Variants in CDH18 observed in about 807,000 individuals in gnomAD.
The protein encoded by CDH18 is cadherin 18, also known as cadherin-18.
In CDH18, 31 loss-of-function variants were observed where a neutral mutation model predicts 67.9. The ratio of observed to expected loss-of-function variants is 0.46; its 90% CI spans 0.34 to 0.62. The LOEUF is 0.62. Ranked by LOEUF, CDH18 falls within the 20% of genes least tolerant of loss-of-function variation. The pLI, the probability that CDH18 is intolerant of heterozygous loss-of-function variation, is 0.01. For synonymous variants in CDH18, 362 were observed against 347.2 expected (o/e 1.04, Z -0.48); for missense variants, 890 against 975.5 (o/e 0.91, Z 1.17).
At chr5:20,427,095 G>A (rs192711547) in intron 1 of CDH18, among the ~76,000 whole-genome samples, 2 of 150,932 alleles carry the variant, frequency 1.3e-5, no homozygotes, top group Admixed American at 1.3e-4. Context: ...GAAAACTCTG[G>A]GCAGCTTTTT....
intron 2 of CDH18, among the ~76,000 whole-genome samples, chr5:19,884,603 A>T (rs1788002041): frequency 6.6e-6 from 1 of 151,984 alleles, no homozygotes; most frequent in Non-Finnish European, 1.5e-5. Context: ...GAAATATGGG[A>T]AATAAATAAT....
At chr5:19,706,535 C>G (rs991923188) in intron 5 of CDH18, among the ~76,000 whole-genome samples, 1 of 152,156 alleles carries the variant, frequency 6.6e-6, no homozygotes, top group African/African-American at 2.4e-5. Context: ...CACATGTTCC[C>G]TGATTTGGGA....
intron 2 of CDH18, among the ~76,000 whole-genome samples, chr5:20,107,427 C>A (rs539585911): frequency 1.4e-4 from 22 of 152,278 alleles, no homozygotes; most frequent in African/African-American, 5.3e-4. Context: ...ACCAGCTTGT[C>A]CCTATCTCTG....
chr5:19,571,042 G>A (rs1194316253), intron 8 of CDH18, among the ~76,000 whole-genome samples: 1 of 152,166 alleles, frequency 6.6e-6, no homozygotes, highest in Admixed American at 6.6e-5. Flanking sequence ...CATTTATTGA[G>A]TGACTACTAG....
intron 6 of CDH18, among the ~76,000 whole-genome samples, chr5:19,593,233 A>C (rs1237539198): frequency 6.6e-6 from 1 of 152,066 alleles, no homozygotes; most frequent in Non-Finnish European, 1.5e-5. Context: ...TTTTTGAGGA[A>C]TCTTTATACT....
chr5:20,560,054 C>T (rs1561130957), intron 1 of CDH18, among the ~76,000 whole-genome samples: 1 of 152,050 alleles, frequency 6.6e-6, no homozygotes, highest in Non-Finnish European at 1.5e-5. Context: ...ATCATATGCT[C>T]CAGTGAACCA....
chr5:20,086,774 C>A (rs374427165), intron 2 of CDH18, among the ~76,000 whole-genome samples: 1 of 152,160 alleles, frequency 6.6e-6, no homozygotes, highest in African/African-American at 2.4e-5. Flanking sequence ...AAGACTCTTT[C>A]TAAATACTAA....
chr5:20,313,383 TA>T (rs767881767), intron 1 of CDH18, among the ~76,000 whole-genome samples: 5 of 152,118 alleles, frequency 3.3e-5, no homozygotes, highest in Non-Finnish European at 5.9e-5. Context: ...TTGATTTGGT[TA>T]GTTTCAAGTA....
At chr5:19,522,429 G>A (rs569037729) in intron 9 of CDH18, among the ~76,000 whole-genome samples, 34 of 152,114 alleles carry the variant, frequency 2.2e-4, no homozygotes, top group East Asian at 1.9e-4. Flanking sequence ...GCTGTATTAC[G>A]TCTGCGGTTA....
At position 20,309,684 on chromosome 5, in the gene CDH18, C is replaced by T. The variant is rs142944596; in HGVS notation, c.-579-54179G>A. On this transcript the variant is annotated intron_variant, in intron 1 of 14. Transcript: ENST00000507958. ...ACAGATTTTAGCGGAGCATAAATAT[C>T]TCCAGCCATTTTTTGGAAGCAATTA... 3.0e-3 allele frequency among the ~76,000 whole-genome samples: 462 copies of T among 152,240 alleles called. 8 individuals carry two copies. Among genetic ancestry groups the T allele is most frequent in the African/African-American group, 0.011 (443 of 41,564 alleles).
rs1211245768 is a variant in CDH18 at position 19,559,693 on chromosome 5, C to G, written c.1253+11886G>C. 2.0e-5 allele frequency among the ~76,000 whole-genome samples: 3 copies of G among 152,036 alleles called. No homozygotes were observed. The East Asian group carries it at 5.8e-4, about 29-fold the overall frequency. ...AACGAGAGAAAGAAATAAAGGACATCCAATTGATAATGATGAAGTCAGATT... is the reference window on the plus strand; with the variant it reads ...AACGAGAGAAAGAAATAAAGGACATGCAATTGATAATGATGAAGTCAGATT... On this transcript the variant is annotated intron_variant, in intron 8 of 12. Coordinates refer to ENST00000382275, the MANE Select transcript of CDH18 (RefSeq NM_004934.5).
intron 1 of CDH18, among the ~76,000 whole-genome samples, chr5:20,361,474 C>G (rs1742081595): frequency 6.6e-6 from 1 of 151,910 alleles, no homozygotes; most frequent in African/African-American, 2.4e-5. Flanking sequence ...GCTAATTATT[C>G]ACAGGTTTTC....
At chr5:19,973,024 T>C (rs1017711309) in intron 2 of CDH18, among the ~76,000 whole-genome samples, 1 of 151,874 alleles carries the variant, frequency 6.6e-6, no homozygotes, top group African/African-American at 2.4e-5. Flanking sequence ...ATAAAAGAAA[T>C]GGCACAAAAG....
chr5:19,839,986 G>A (rs1211936326), intron 2 of CDH18, among the ~76,000 whole-genome samples: 1 of 151,808 alleles, frequency 6.6e-6, no homozygotes, highest in Non-Finnish European at 1.5e-5. Context: ...AGGCCGGGTG[G>A]GGTGGCTCAC....
At chr5:20,446,538 C>G (rs1301214488) in intron 1 of CDH18, among the ~76,000 whole-genome samples, 1 of 151,864 alleles carries the variant, frequency 6.6e-6, no homozygotes, top group African/African-American at 2.4e-5. Flanking sequence ...AGATTTGTGC[C>G]CCCAAAGAAA....
intron 2 of CDH18, among the ~76,000 whole-genome samples, chr5:20,197,521 C>A (rs1022400071): frequency 6.6e-6 from 1 of 152,116 alleles, no homozygotes; most frequent in East Asian, 1.9e-4. Context: ...ATGACAATTA[C>A]GACTCAAGAA....
chr5:19,667,759 T>A (rs1758170244), intron 5 of CDH18, among the ~76,000 whole-genome samples: 1 of 151,850 alleles, frequency 6.6e-6, no homozygotes, highest in Non-Finnish European at 1.5e-5. Context: ...TTCATAATGA[T>A]GAAATATTTT....
chr5:20,433,233 T>A lies in CDH18; in HGVS notation c.-580+142229A>T, dbSNP rs901963052. Among the ~76,000 whole-genome samples the A allele has an allele frequency of 6.7e-5, 10 of 150,262 alleles. No homozygotes were observed. The East Asian group carries it at 1.4e-3, about 21-fold the overall frequency. ...TCTTAAAGGAGCAGTTAAGGTAAAA[T>A]ATATATATATATACACATAATATAT... is the stretch of plus-strand genomic sequence containing the variant. On this transcript the variant is annotated intron_variant, in intron 1 of 14. Coordinates refer to the CDH18 transcript ENST00000507958.
chr5:20,374,199 C>A (rs1316656895), intron 1 of CDH18, among the ~76,000 whole-genome samples: 2 of 152,106 alleles, frequency 1.3e-5, no homozygotes, highest in African/African-American at 4.8e-5. Flanking sequence ...AATCTGTTCC[C>A]CAACCACTAC....
Sources: allele counts gnomAD v4.1 joint callset (sites outside exome capture counted in the v4.1 genomes callset), GRCh38; gene constraint gnomAD v4.1.1; transcripts MANE v1.5; gene names NCBI Gene and HGNC (gene_info 2026-07-23, HGNC 2026-07-21).